DCHS2: variants seen among roughly 807,000 people sequenced by gnomAD.
DCHS2 encodes the protein protocadherin-23.
DCHS2 carries 142 observed loss-of-function variants against 182.4 expected under a neutral mutation model. That is an observed-to-expected ratio of 0.78 (90% CI 0.68 to 0.89). The LOEUF is 0.89. DCHS2 is among the 40% of genes least tolerant of loss of function. DCHS2 has a pLI of 0.00. For synonymous variants in DCHS2, 1,740 were observed against 1,663.3 expected (o/e 1.05, Z -1.12); for missense variants, 4,319 against 4,198.6 (o/e 1.03, Z -0.79).
chr4:154,238,299 T>C (rs1222201665), intron 19 of DCHS2, among the ~76,000 whole-genome samples: 1 of 152,190 alleles, frequency 6.6e-6, no homozygotes, highest in Non-Finnish European at 1.5e-5. Flanking sequence ...GTGGGCTTCA[T>C]GCTGGTATTT....
Position 154,329,548 on chromosome 4 carries a change from A to G in DCHS2, c.3893T>C (p.Leu1298Pro). The change falls in exon 6 of 20, where the codon CTC becomes CCC. Residue 1298 changes from leucine to proline, a missense_variant. Coordinates refer to ENST00000357232, the MANE Select transcript of DCHS2 (RefSeq NM_001358235.2). ...NDNRPFFPQC[L>P]PGKELHVKVL... is the part of the protein sequence containing the mutation. Reference sequence around the variant, plus strand: ...CTTCACGTGTAACTCCTTTCCAGGGAGACACTGGGGGAAGAAGGGCCTGTT... The same window carrying G: ...CTTCACGTGTAACTCCTTTCCAGGGGGACACTGGGGGAAGAAGGGCCTGTT... 3.1e-6 allele frequency: 5 copies of G among 1,613,598 alleles called. No individual in the cohort carries two copies. The highest frequency in any genetic ancestry group is 4.2e-6 in the Non-Finnish European group (5 of 1,179,794).
chr4:154,480,178 A>T (rs1417033425), intron 1 of DCHS2, among the ~76,000 whole-genome samples: 1 of 152,240 alleles, frequency 6.6e-6, no homozygotes, highest in Non-Finnish European at 1.5e-5. Context: ...GTAGAAATAA[A>T]GATGAACATA....
In DCHS2 at chr4:154,234,561, T is replaced by TTAAG. The variant is rs757141123; in HGVS notation, c.10087_10090dup (p.Lys3364ThrfsTer2). ...TCATATTTGAACTTCATCTTCTGCT[T>TTAAG]TAAGTTCATGGCATGTACCACTGAT... is the stretch of plus-strand genomic sequence containing the variant. On this transcript the variant is annotated stop_gained and frameshift_variant, in exon 20 of 20. Transcript: ENST00000357232. LOFTEE classifies it high-confidence loss of function. The TTAAG allele has an allele frequency of 1.2e-6, 2 of 1,612,404 alleles. No individual in the cohort carries two copies. The highest frequency in any genetic ancestry group is 1.7e-6 in the Non-Finnish European group (2 of 1,179,076).
intron 2 of DCHS2, 135 bp from the exon 3 acceptor site, chr4:154,366,576 G>A (rs1007939599): frequency 6.1e-6 from 4 of 654,012 alleles, no homozygotes; most frequent in East Asian, 5.5e-5. Flanking sequence ...GTATATGTGT[G>A]TATACACATA....
chr4:154,397,988 G>C (rs953037800), intron 1 of DCHS2, among the ~76,000 whole-genome samples: 1 of 152,188 alleles, frequency 6.6e-6, no homozygotes, highest in African/African-American at 2.4e-5. Context: ...GGCATAAAAA[G>C]AAAGAGTTAA....
chr4:154,434,226 C>T (rs1265858658), intron 1 of DCHS2, among the ~76,000 whole-genome samples: 3 of 152,094 alleles, frequency 2.0e-5, no homozygotes, highest in Non-Finnish European at 4.4e-5. Flanking sequence ...TTGAGACCAA[C>T]CTGGACAATA....
intron 10 of DCHS2, 52 bp downstream of exon 10, chr4:154,315,696 T>A: frequency 1.3e-6 from 2 of 1,580,244 alleles, no homozygotes; most frequent in Admixed American, 3.7e-5. Flanking sequence ...TCAATTATAA[T>A]CTTCAATTTC....
chr4:154,258,231 A>T (rs981245933), intron 15 of DCHS2, among the ~76,000 whole-genome samples: 1 of 152,132 alleles, frequency 6.6e-6, no homozygotes. Flanking sequence ...GTCATAGCCT[A>T]GGGGATCCCA....
At chr4:154,343,662 G>A in intron 3 of DCHS2, 1 of 1,441,518 alleles carries the variant, frequency 6.9e-7, no homozygotes, top group Non-Finnish European at 9.1e-7. Context: ...TTTAAAAAGA[G>A]TTAGGACCTT....
chr4:154,384,878 G>C (rs1731331635), intron 1 of DCHS2, among the ~76,000 whole-genome samples: 1 of 145,378 alleles, frequency 6.9e-6, no homozygotes, highest in Non-Finnish European at 1.5e-5. Context: ...CTGTGTGAAA[G>C]AATAATTTCC....
chr4:154,315,532 A>C (rs1735820458), intron 10 of DCHS2, among the ~76,000 whole-genome samples: 1 of 152,194 alleles, frequency 6.6e-6, no homozygotes, highest in African/African-American at 2.4e-5. Flanking sequence ...TAATATAAAT[A>C]ATAATAAAGT....
At chr4:154,317,002 TGAAA>T (rs1735883141) in intron 9 of DCHS2, among the ~76,000 whole-genome samples, 1 of 152,182 alleles carries the variant, frequency 6.6e-6, no homozygotes, top group South Asian at 2.1e-4. Context: ...CTTGAAATAA[TGAAA>T]GAAGTTTACG....
At chr4:154,383,482 C>CA (rs925726506) in intron 1 of DCHS2, among the ~76,000 whole-genome samples, 24 of 152,186 alleles carry the variant, frequency 1.6e-4, no homozygotes, top group South Asian at 4.2e-4. Context: ...GTTGAAATTA[C>CA]AAAAAATAAA....
intron 2 of DCHS2, among the ~76,000 whole-genome samples, chr4:154,375,734 G>A (rs935534846): frequency 8.6e-5 from 13 of 151,942 alleles, no homozygotes; most frequent in African/African-American, 2.2e-4. Flanking sequence ...TGGTGGGAGC[G>A]CAATTCTACT....
chr4:154,399,334 T>TA (rs1732061924), intron 1 of DCHS2, among the ~76,000 whole-genome samples: 1 of 152,142 alleles, frequency 6.6e-6, no homozygotes, highest in Non-Finnish European at 1.5e-5. Flanking sequence ...CCAAAAAATA[T>TA]AAAAAACTAG....
intron 1 of DCHS2, among the ~76,000 whole-genome samples, chr4:154,481,845 G>T (rs561571774): frequency 2.0e-5 from 3 of 152,162 alleles, no homozygotes; most frequent in East Asian, 1.9e-4. Context: ...GTTTCACTCT[G>T]CATTGCAAGC....
chr4:154,481,212 T>C (rs1735906471), intron 1 of DCHS2, among the ~76,000 whole-genome samples: 2 of 152,300 alleles, frequency 1.3e-5, no homozygotes, highest in Admixed American at 1.3e-4. Context: ...CCATTTAACA[T>C]GACTAGCCAT....
At chr4:154,301,088 C>A (rs367631602) in intron 12 of DCHS2, among the ~76,000 whole-genome samples, 1 of 152,140 alleles carries the variant, frequency 6.6e-6, no homozygotes, top group Non-Finnish European at 1.5e-5. Context: ...CCACATTCAC[C>A]TTTATAAGCA....
intron 13 of DCHS2, among the ~76,000 whole-genome samples, chr4:154,294,229 G>T (rs147316167): frequency 6.6e-6 from 1 of 151,328 alleles, no homozygotes; most frequent in African/African-American, 2.5e-5. Context: ...TAAATGAATA[G>T]ATGTTCAAGG....
Sources: gnomAD v4.1 joint callset for allele counts (sites outside exome capture counted in the v4.1 genomes callset) on GRCh38, gnomAD v4.1.1 for gene constraint, MANE v1.5 for transcripts, NCBI Gene and HGNC (gene_info 2026-07-23, HGNC 2026-07-21) for gene names.